The following PTPRD variants were observed in gnomAD, a reference collection of about 807,000 sequenced individuals.
PTPRD encodes protein tyrosine phosphatase receptor type D, also known as receptor-type tyrosine-protein phosphatase delta.
A neutral mutation model predicts 214.5 loss-of-function variants in PTPRD; 34 were observed. That is an observed-to-expected ratio of 0.16 (90% CI 0.12 to 0.21). The LOEUF (loss-of-function observed/expected upper bound fraction) is 0.21. Among genes scored for constraint, PTPRD ranks in the 10% least tolerant of loss-of-function variants. PTPRD has a pLI of 1.00. For missense variants in PTPRD, 2,545 were observed against 2,398.7 expected (o/e 1.06, Z -1.27); for synonymous variants, 1,128 against 845.7 (o/e 1.33, Z -5.79).
chr9:9,958,743 G>C (rs891086655), intron 4 of PTPRD, among the ~76,000 whole-genome samples: 1 of 152,094 alleles, frequency 6.6e-6, no homozygotes, highest in African/African-American at 2.4e-5. Context: ...AAGGTATCTG[G>C]ACAGATACTT....
intron 9 of PTPRD, among the ~76,000 whole-genome samples, chr9:9,342,647 G>T (rs922491277): frequency 1.3e-5 from 2 of 151,530 alleles, no homozygotes; most frequent in East Asian, 3.9e-4. Flanking sequence ...AATTGCTGTT[G>T]AACAAAATGT....
At position 10,133,259 on chromosome 9, in the gene PTPRD, T is replaced by C. The variant is rs144614473; in HGVS notation, c.-544-99469A>G. Among the ~76,000 whole-genome samples the C allele has an allele frequency of 4.3e-4, 66 of 152,158 alleles. No homozygotes were observed. The East Asian group carries it at 8.1e-3, about 19-fold the overall frequency. On this transcript the variant is annotated intron_variant, in intron 3 of 45. Coordinates refer to ENST00000381196, the MANE Select transcript of PTPRD (RefSeq NM_002839.4). ...GGAGAACTGAAACAGCACTCACAGA[T>C]ACTGAAGAGACTAAGCAAATGTCAG...
intron 3 of PTPRD, among the ~76,000 whole-genome samples, chr9:10,141,758 G>C (rs909045017): frequency 1.1e-4 from 17 of 152,008 alleles, no homozygotes; most frequent in Non-Finnish European, 2.9e-5. Flanking sequence ...CTACTTTAAA[G>C]TTCATATGGA....
chr9:10,130,152 T>A (rs961952960), intron 3 of PTPRD, among the ~76,000 whole-genome samples: 1 of 149,626 alleles, frequency 6.7e-6, no homozygotes, highest in South Asian at 2.2e-4. Context: ...CTAACAGTTT[T>A]ACATAATCTG....
intron 8 of PTPRD, among the ~76,000 whole-genome samples, chr9:9,425,161 T>C (rs2080333825): frequency 6.6e-6 from 1 of 151,942 alleles, no homozygotes. Flanking sequence ...GGAAAATCAA[T>C]GCATCCCAGA....
At chr9:8,359,164 G>C (rs975161077) in intron 39 of PTPRD, among the ~76,000 whole-genome samples, 6 of 144,688 alleles carry the variant, frequency 4.1e-5, no homozygotes, top group Non-Finnish European at 7.5e-5. Flanking sequence ...TCAGATTTTA[G>C]ATTCGGCAGG....
At chr9:10,170,127 G>C (rs2099191536) in intron 3 of PTPRD, among the ~76,000 whole-genome samples, 1 of 152,122 alleles carries the variant, frequency 6.6e-6, no homozygotes, top group Admixed American at 6.6e-5. Flanking sequence ...CATCAAATAT[G>C]CCAATGCATT....
intron 4 of PTPRD, among the ~76,000 whole-genome samples, chr9:9,951,824 G>T (rs974008866): frequency 6.6e-6 from 1 of 152,202 alleles, no homozygotes; most frequent in Non-Finnish European, 1.5e-5. Flanking sequence ...TACATATGTA[G>T]CAGTCAATTC....
intron 12 of PTPRD, among the ~76,000 whole-genome samples, chr9:8,678,410 A>G (rs1336080201): frequency 6.6e-6 from 1 of 152,180 alleles, no homozygotes; most frequent in Non-Finnish European, 1.5e-5. Flanking sequence ...GAAGTTTTAA[A>G]AAAACTTTGT....
chr9:10,307,220 C>T (rs180996592), intron 3 of PTPRD, among the ~76,000 whole-genome samples: 24 of 152,002 alleles, frequency 1.6e-4, no homozygotes, highest in African/African-American at 4.6e-4. Context: ...TTTCATCCAC[C>T]ACCAAACATC....
chr9:9,611,440 C>G (rs574101425), intron 7 of PTPRD, among the ~76,000 whole-genome samples: 5 of 152,042 alleles, frequency 3.3e-5, no homozygotes, highest in East Asian at 3.9e-4. Flanking sequence ...TATTTAATTA[C>G]TGATAGTGCT....
chr9:9,764,656 C>T (rs943912556), intron 6 of PTPRD, among the ~76,000 whole-genome samples: 4 of 152,018 alleles, frequency 2.6e-5, no homozygotes, highest in Non-Finnish European at 5.9e-5. Flanking sequence ...ATAAGAAACA[C>T]TTTAGGCTAA....
chr9:9,263,231 C>T (rs903831003), intron 9 of PTPRD, among the ~76,000 whole-genome samples: 1 of 151,472 alleles, frequency 6.6e-6, no homozygotes, highest in Non-Finnish European at 1.5e-5. Context: ...TTATTATGTA[C>T]TTTAATTCTG....
At chr9:9,413,848 A>G (rs2076237458) in intron 8 of PTPRD, among the ~76,000 whole-genome samples, 1 of 152,220 alleles carries the variant, frequency 6.6e-6, no homozygotes, top group Non-Finnish European at 1.5e-5. Flanking sequence ...CACTTAATAA[A>G]TGACAGGTGG....
chr9:9,314,938 T>G (rs1043404285), intron 9 of PTPRD, among the ~76,000 whole-genome samples: 2 of 152,072 alleles, frequency 1.3e-5, no homozygotes, highest in African/African-American at 4.8e-5. Context: ...AGTAATTTAC[T>G]TTGTCAATCT....
At position 10,346,963 on chromosome 9, in the gene PTPRD, G is replaced by A. The variant is rs547338919; in HGVS notation, c.-599-5946C>T. ...GTTTTATGAGCTGCATAATTATGAT[G>A]TCATTACAATAAACCAAATGTTTAA... is the stretch of plus-strand genomic sequence containing the variant. On this transcript the variant is annotated intron_variant, in intron 2 of 45. Coordinates refer to ENST00000381196, the MANE Select transcript of PTPRD (RefSeq NM_002839.4). Among the ~76,000 whole-genome samples the A allele has an allele frequency of 9.2e-5, 14 of 152,246 alleles. No individual in the cohort carries two copies. In the East Asian group the frequency reaches 2.5e-3, roughly 27 times the overall value.
At chr9:8,807,891 G>T (rs1471038991) in intron 11 of PTPRD, among the ~76,000 whole-genome samples, 1 of 151,996 alleles carries the variant, frequency 6.6e-6, no homozygotes, top group Non-Finnish European at 1.5e-5. Flanking sequence ...AGGCAAAATG[G>T]GTCTAAAGAG....
chr9:9,208,037 T>TTTTTTTTTTTTTTTTTTTTTTTA (rs58213826), intron 9 of PTPRD, among the ~76,000 whole-genome samples: 1 of 140,116 alleles, frequency 7.1e-6, no homozygotes, highest in African/African-American at 2.6e-5. Flanking sequence ...TTTTTTTTTT[T>TTTTTTTTTTTTTTTTTTTTTTTA]GAGACAGAGC....
At chr9:8,813,287 G>A (rs2096852492) in intron 11 of PTPRD, among the ~76,000 whole-genome samples, 1 of 152,142 alleles carries the variant, frequency 6.6e-6, no homozygotes, top group Non-Finnish European at 1.5e-5. Context: ...GCTGGAGGAA[G>A]AGGCCAGAGG....
Sources: allele counts gnomAD v4.1 joint callset (sites outside exome capture counted in the v4.1 genomes callset), GRCh38; gene constraint gnomAD v4.1.1; transcripts MANE v1.5; gene names NCBI Gene and HGNC (gene_info 2026-07-23, HGNC 2026-07-21).